Variants in TLE2 observed in about 807,000 individuals in gnomAD.
TLE2 encodes the protein transducin-like enhancer protein 2.
Under a neutral mutation model 97.2 loss-of-function variants are expected in TLE2, and 74 were observed. The observed-to-expected ratio is 0.76, with a 90% CI of 0.63 to 0.92. TLE2 has a LOEUF of 0.92. Ranked by LOEUF, TLE2 falls within the 40% of genes least tolerant of loss-of-function variation. The pLI is 0.00. For synonymous variants in TLE2, 499 were observed against 432.1 expected (o/e 1.15, Z -1.92); for missense variants, 1,038 against 1,008.7 (o/e 1.03, Z -0.39).
intron 4 of TLE2, 68 bp from the exon 5 acceptor site, chr19:3,025,150 G>T: frequency 6.9e-7 from 1 of 1,455,322 alleles, no homozygotes; most frequent in South Asian, 1.3e-5. Flanking sequence ...TGGACTCCCA[G>T]GCGGACCAGG....
chr19:2,999,289 C>CA (rs890683595), intron 19 of TLE2, among the ~76,000 whole-genome samples: 1 of 151,022 alleles, frequency 6.6e-6, no homozygotes, highest in African/African-American at 2.4e-5. Context: ...GTCAAAAAAA[C>CA]AAAAAAACAC....
intron 12 of TLE2, among the ~76,000 whole-genome samples, chr19:3,010,138 C>T (rs11665669): frequency 6.5e-4 from 98 of 151,784 alleles, no homozygotes; most frequent in African/African-American, 2.0e-3. Flanking sequence ...CCGAGGTGGG[C>T]GGATCACCTG....
At position 3,028,703 on chromosome 19, in the gene TLE2, C is replaced by A. The variant is rs200828731; in HGVS notation, c.122+3G>T. On this transcript the variant is annotated splice_donor_region_variant and intron_variant, in intron 2 of 19. Coordinates refer to ENST00000262953, the MANE Select transcript of TLE2 (RefSeq NM_003260.5). ...CCGCGGCCCCTGGGGCGGCCCCCCTCACCTGTGGTATTGAGCCTGAAGAAA... is the reference window on the plus strand; with the variant it reads ...CCGCGGCCCCTGGGGCGGCCCCCCTAACCTGTGGTATTGAGCCTGAAGAAA... The A allele has an allele frequency of 6.2e-6, 10 of 1,612,758 alleles. No individual in the cohort carries two copies. The East Asian group carries it at 2.2e-4, about 36-fold the overall frequency.
intron 1 of TLE2, among the ~76,000 whole-genome samples, chr19:3,040,989 A>ATT (rs1215843643): frequency 4.6e-4 from 26 of 56,576 alleles, no homozygotes; most frequent in African/African-American, 2.1e-3. Context: ...CTCTGCTGCC[A>ATT]TTTATATATA....
chr19:3,037,476 C>T (rs1302277785), intron 1 of TLE2, among the ~76,000 whole-genome samples: 4 of 152,192 alleles, frequency 2.6e-5, no homozygotes, highest in Non-Finnish European at 5.9e-5. Flanking sequence ...GGGCTCTGAC[C>T]CCTAGCTTTG....
intron 8 of TLE2, among the ~76,000 whole-genome samples, chr19:3,016,954 T>G (rs4807386): frequency 0.15 from 23,052 of 150,178 alleles, 1,952 homozygotes; most frequent in East Asian, 0.23. Context: ...AATTTTGTAT[T>G]TTTAGTAGAG....
In TLE2 at chr19:3,000,665, G is replaced by A. The variant is rs117008739; in HGVS notation, c.2106C>T (p.Tyr702=). 16,537 of 1,590,980 alleles carry A rather than the reference G, an allele frequency of 0.01. 351 individuals carry two copies. Among genetic ancestry groups the A allele is most frequent in the Admixed American group, 0.078 (4,426 of 56,482 alleles). ...CGAGTACCTGGAAAATGCTGGCCCC[G>A]TACGGCGTCCTCCAGGCGTTGAGCA... ...DNLLNAWRTP[Y]GASIFQSKES... The change falls in exon 19 of 20, where the codon TAC becomes TAT. Residue 702 remains tyrosine (Y), a synonymous_variant. Coordinates refer to ENST00000262953, the MANE Select transcript of TLE2 (RefSeq NM_003260.5).
chr19:2,997,731 G>C lies in TLE2; in HGVS notation c.*117C>G. 2 of 728,292 alleles carry C rather than the reference G, an allele frequency of 2.7e-6. No individual in the cohort carries two copies. Among genetic ancestry groups the C allele is most frequent in the South Asian group, 3.3e-5 (2 of 60,192 alleles). The allele number at this position is 728,292 out of a possible 1,614,324, so 45.1% of individuals were successfully genotyped here. A position where few individuals can be genotyped will look rare whatever the true frequency, so the allele number is the denominator to read the frequency against. On this transcript the variant is annotated 3_prime_UTR_variant, in exon 20 of 20. Coordinates refer to ENST00000262953, the MANE Select transcript of TLE2 (RefSeq NM_003260.5). The stretch of plus-strand genomic sequence containing the variant: ...GGAAGGTGTGAAGCCGTTGGCCAGA[G>C]AGCAGATGGGATGTACGGTTCCTAG...
rs865877793 is a variant in TLE2 at position 3,001,286 on chromosome 19, A to T, written c.2048-563T>A. Among the ~76,000 whole-genome samples the T allele has an allele frequency of 5.3e-3, 803 of 151,090 alleles. 13 individuals are homozygous for T. The highest frequency in any genetic ancestry group is 0.017 in the African/African-American group (706 of 40,946). ...AGACTCTGTCTCAAAAAAAAAAAAA[A>T]ATATTTTTTGTAGAGTTGGGATCTC... On this transcript the variant is annotated intron_variant, in intron 18 of 19. Transcript: ENST00000262953.
chr19:3,003,388 A>C (rs2089408037), intron 17 of TLE2, among the ~76,000 whole-genome samples: 1 of 152,142 alleles, frequency 6.6e-6, no homozygotes, highest in African/African-American at 2.4e-5. Context: ...CTGTAATCCC[A>C]ACACTGTGGG....
At chr19:3,046,086 C>T (rs998396965), upstream of TLE2, among the ~76,000 whole-genome samples, 2 of 152,134 alleles carry the variant, frequency 1.3e-5, no homozygotes, top group South Asian at 2.1e-4. Flanking sequence ...TCTGGTTGCC[C>T]CTAGGGGGGC....
intron 1 of TLE2, among the ~76,000 whole-genome samples, chr19:3,039,043 C>CAA (rs201422900): frequency 5.3e-5 from 7 of 130,970 alleles, no homozygotes; most frequent in African/African-American, 1.5e-4. Context: ...AACCACGACT[C>CAA]AAAAAAAAAA....
intron 17 of TLE2, among the ~76,000 whole-genome samples, chr19:3,004,570 C>T (rs977064023): frequency 6.9e-6 from 1 of 145,288 alleles, no homozygotes; most frequent in African/African-American, 2.6e-5. Flanking sequence ...ACCTGGGAGG[C>T]GCAGGTTGCA....
intron 12 of TLE2, among the ~76,000 whole-genome samples, chr19:3,010,364 CAAA>C (rs34884101): frequency 7.1e-6 from 1 of 139,906 alleles, no homozygotes; most frequent in Non-Finnish European, 1.5e-5. Context: ...AACTCCGTCT[CAAA>C]AAAAAAGGAA....
intron 1 of TLE2, among the ~76,000 whole-genome samples, chr19:3,036,439 C>T (rs921639348): frequency 4.6e-5 from 7 of 152,326 alleles, no homozygotes; most frequent in Non-Finnish European, 2.9e-5. Flanking sequence ...CGACCCGGGC[C>T]GGGAAAGCGG....
chr19:2,998,070 T>G, intron 19 of TLE2, 115 bp from the exon 20 acceptor site: 1 of 678,308 alleles, frequency 1.5e-6, no homozygotes, highest in Non-Finnish European at 2.6e-6. Flanking sequence ...GCCTACAGAG[T>G]GACGTGTTTC....
At chr19:2,999,740 G>A (rs112011003) in intron 19 of TLE2, among the ~76,000 whole-genome samples, 83 of 57,590 alleles carry the variant, frequency 1.4e-3, no homozygotes, top group African/African-American at 3.9e-3. Flanking sequence ...AAAAAAAAAA[G>A]AAAGAAAAAC....
At chr19:3,040,991 T>TTATATATATATATATATATATATATATA (rs1168113732) in intron 1 of TLE2, among the ~76,000 whole-genome samples, 4 of 29,732 alleles carry the variant, frequency 1.3e-4, no homozygotes, top group Non-Finnish European at 1.7e-4. Flanking sequence ...CTGCTGCCAT[T>TTATATATATATATATATATATATATATA]TATATATATA....
At chr19:3,033,503 T>C (rs1359863015), upstream of TLE2, among the ~76,000 whole-genome samples, 1 of 152,096 alleles carries the variant, frequency 6.6e-6, no homozygotes, top group Non-Finnish European at 1.5e-5. Flanking sequence ...GGTTTCACCA[T>C]GTTGGCCAGG....
Sources: gnomAD v4.1 joint callset for allele counts (sites outside exome capture counted in the v4.1 genomes callset) on GRCh38, gnomAD v4.1.1 for gene constraint, MANE v1.5 for transcripts, NCBI Gene and HGNC (gene_info 2026-07-23, HGNC 2026-07-21) for gene names.